Variants in RNF17 observed in about 807,000 individuals in gnomAD.
The protein encoded by RNF17 is spermatogenesis associated 23.
In RNF17, 31 loss-of-function variants were observed where a neutral mutation model predicts 200.5. The observed-to-expected ratio is 0.15, with a 90% confidence interval of 0.12 to 0.21. The LOEUF (loss-of-function observed/expected upper bound fraction) is 0.21, where lower values mean the gene tolerates loss of function less well. Among genes scored for constraint, RNF17 ranks in the 10% least tolerant of loss-of-function variants. The probability of loss-of-function intolerance (pLI) is 1.00; values close to 1 mark genes in which losing one functional copy is unlikely to be tolerated. For synonymous variants in RNF17, 606 were observed against 637.8 expected (o/e 0.95, Z 0.75); for missense variants, 1,628 against 1,905.1 (o/e 0.85, Z 2.71).
intron 2 of RNF17, 63 bp downstream of exon 2, chr13:24,767,429 C>T: frequency 1.7e-6 from 2 of 1,158,648 alleles, no homozygotes; most frequent in East Asian, 2.4e-5. Flanking sequence ...AAAAATACTA[C>T]AGTAGTAAAA....
At chr13:24,839,137 GA>G (rs1890340375) in intron 18 of RNF17, among the ~76,000 whole-genome samples, 1 of 152,076 alleles carries the variant, frequency 6.6e-6, no homozygotes, top group African/African-American at 2.4e-5. Flanking sequence ...CCTCTAGAAG[GA>G]AAACTACAAA....
At chr13:24,855,133 C>T (rs555474263) in intron 25 of RNF17, among the ~76,000 whole-genome samples, 10 of 152,088 alleles carry the variant, frequency 6.6e-5, no homozygotes, top group Admixed American at 3.3e-4. Context: ...TCCACCTTGG[C>T]GCATTTCACT....
At chr13:24,783,320 G>A (rs1352647414) in intron 6 of RNF17, among the ~76,000 whole-genome samples, 2 of 152,178 alleles carry the variant, frequency 1.3e-5, no homozygotes, top group Non-Finnish European at 2.9e-5. Context: ...TTTAAAATCA[G>A]AATGTGTGAG....
chr13:24,886,322 G>T, the RNF17 span: 1 of 1,289,100 alleles, frequency 7.8e-7, no homozygotes, highest in East Asian at 5.5e-5. Flanking sequence ...TGGCCTGAAG[G>T]AGGAGAGCGG....
In RNF17 at chr13:24,764,855, G is replaced by A. The variant is rs559931374; in HGVS notation, c.130+522G>A. 1.1e-4 allele frequency among the ~76,000 whole-genome samples: 16 copies of A among 151,286 alleles called. No individual in the cohort carries two copies. The East Asian group carries it at 2.7e-3, about 26-fold the overall frequency. ...CTCACACTGGCCTAAAACACTGTTT[G>A]GAAAATGATAGTTTCTTTTGTGCAC... On this transcript the variant is annotated intron_variant, in intron 1 of 35. Transcript: ENST00000255324.
intron 18 of RNF17, among the ~76,000 whole-genome samples, chr13:24,834,448 C>T (rs1889751935): frequency 6.7e-6 from 1 of 148,730 alleles, no homozygotes; most frequent in South Asian, 2.1e-4. Context: ...AACAAAAAAG[C>T]AACAAACCCT....
intron 8 of RNF17, 53 bp downstream of exon 8, chr13:24,789,477 C>T (rs1165287742): frequency 1.6e-6 from 2 of 1,265,492 alleles, no homozygotes; most frequent in East Asian, 4.7e-5. Context: ...TGTGCTGGAA[C>T]TTAAATGTAT....
In RNF17 at chr13:24,879,071, A is replaced by G; in HGVS notation, c.4774-116A>G. The G allele has an allele frequency of 7.3e-6, 5 of 680,786 alleles. No homozygotes were observed. In the South Asian group the frequency reaches 9.3e-5, roughly 13 times the overall value. The allele number at this position is 680,786 out of a possible 1,614,324, so 42.2% of individuals were successfully genotyped here. On this transcript the variant is annotated intron_variant, in intron 34 of 35. Transcript: ENST00000255324. ...TGCCTTTTGGAAGCATAGAGCATAA[A>G]TTATCAATAGGCCCCTGAGAACACC... is the stretch of plus-strand genomic sequence containing the variant.
chr13:24,823,288 G>C (rs1176915619), intron 15 of RNF17, among the ~76,000 whole-genome samples: 1 of 152,144 alleles, frequency 6.6e-6, no homozygotes, highest in Non-Finnish European at 1.5e-5. Flanking sequence ...TGGCCAGGCT[G>C]GTCTTGAACT....
chr13:24,784,535 A>AT (rs1334214051), intron 6 of RNF17, among the ~76,000 whole-genome samples: 1 of 152,010 alleles, frequency 6.6e-6, no homozygotes, highest in Admixed American at 6.6e-5. Context: ...GTCTGTACAG[A>AT]TTTTTTAATA....
chr13:24,859,705 C>T (rs1271489337), intron 26 of RNF17, among the ~76,000 whole-genome samples: 2 of 151,938 alleles, frequency 1.3e-5, no homozygotes, highest in East Asian at 3.8e-4. Context: ...ATATATTCAG[C>T]ACTTGAAAAC....
chr13:24,853,469 A>G (rs1475884577), intron 24 of RNF17, among the ~76,000 whole-genome samples: 1 of 151,968 alleles, frequency 6.6e-6, no homozygotes, highest in African/African-American at 2.4e-5. Context: ...TAAGAGACTC[A>G]TGTTTTCTTT....
At position 24,878,689 on chromosome 13, in the gene RNF17, C is replaced by T. The variant is rs542871261; in HGVS notation, c.4774-498C>T. 3.9e-5 allele frequency among the ~76,000 whole-genome samples: 6 copies of T among 152,286 alleles called. No homozygotes were observed. The South Asian group carries it at 1.2e-3, about 32-fold the overall frequency. ...AGGAAGGAAAGGAGAGCAGAGAACC[C>T]CCTTTCTGCCTGTCTCCCAGCCAGC... On this transcript the variant is annotated intron_variant, in intron 34 of 35. Transcript: ENST00000255324.
rs1219224321 is a variant in RNF17 at position 24,788,036 on chromosome 13, A to G, written c.660A>G (p.Leu220=). ...EEFARTTDDY[L]SNLIKAKSYI... Reference sequence around the variant, plus strand: ...TTGCAAGAACTACTGATGATTATCTATCAAATTTAATAAAGGCTAAAAGCT... The same window carrying G: ...TTGCAAGAACTACTGATGATTATCTGTCAAATTTAATAAAGGCTAAAAGCT... Residue 220 remains leucine (L), a synonymous_variant, in exon 7 of 36, where the codon CTA becomes CTG. Transcript: ENST00000255324. 12 of 1,587,108 alleles carry G rather than the reference A, an allele frequency of 7.6e-6. No homozygotes were observed. The highest frequency in any genetic ancestry group is 1.2e-5 in the South Asian group (1 of 85,696).
chr13:24,883,463 C>T, downstream of RNF17: 2 of 946,556 alleles, frequency 2.1e-6, no homozygotes, highest in Non-Finnish European at 3.2e-6. Context: ...TTGAGTCTGG[C>T]AGCTACTTCT....
chr13:24,819,163 A>G lies in RNF17; in HGVS notation c.2092-6456A>G, dbSNP rs567443270. ...CATTTTCATCTTGCAAACTGAAACTATACTCGTTAAACAACAGCACATTTC... is the reference window on the plus strand; with the variant it reads ...CATTTTCATCTTGCAAACTGAAACTGTACTCGTTAAACAACAGCACATTTC... On this transcript the variant is annotated intron_variant, in intron 15 of 35. Transcript: ENST00000255324. 9.8e-5 allele frequency among the ~76,000 whole-genome samples: 15 copies of G among 152,292 alleles called. No individual in the cohort carries two copies. The South Asian group carries it at 2.1e-3, about 21-fold the overall frequency.
At position 24,844,997 on chromosome 13, in the gene RNF17, A is replaced by G. The variant is rs751014978; in HGVS notation, c.3019A>G (p.Asn1007Asp). 7 of 1,606,854 alleles carry G rather than the reference A, an allele frequency of 4.4e-6. No homozygotes were observed. The South Asian group carries it at 7.7e-5, about 18-fold the overall frequency. Residue 1007 changes from asparagine to aspartate, a missense_variant, in exon 22 of 36, where the codon AAT becomes GAT. Physicochemically the swap from Asn to Asp is conservative, Grantham distance 23. Transcript: ENST00000255324. ...LYDVGVELVV[N>D]VDCLRKLEEN... Reference sequence around the variant, plus strand: ...TGATGTGGGTGTTGAACTAGTAGTGAATGTTGACTGTTTAAGAAAACTTGA... The same window carrying G: ...TGATGTGGGTGTTGAACTAGTAGTGGATGTTGACTGTTTAAGAAAACTTGA...
intron 15 of RNF17, among the ~76,000 whole-genome samples, chr13:24,807,249 G>C (rs1480167523): frequency 6.6e-6 from 1 of 151,812 alleles, no homozygotes; most frequent in Admixed American, 6.6e-5. Flanking sequence ...GGTTGAACTA[G>C]TTTACAGTCC....
At chr13:24,874,378 T>A in intron 33 of RNF17, 129 bp downstream of exon 33, 1 of 769,690 alleles carries the variant, frequency 1.3e-6, no homozygotes, top group Non-Finnish European at 1.9e-6. Flanking sequence ...AGGAATTTTT[T>A]TCGTGTTAAA....
Sources: gnomAD v4.1 joint callset for allele counts (sites outside exome capture counted in the v4.1 genomes callset) on GRCh38, gnomAD v4.1.1 for gene constraint, MANE v1.5 for transcripts, NCBI Gene and HGNC (gene_info 2026-07-23, HGNC 2026-07-21) for gene names.